RYR3: variants seen among roughly 807,000 people sequenced by gnomAD.
RYR3 encodes brain ryanodine receptor-calcium release channel.
In RYR3, 207 loss-of-function variants were observed where a neutral mutation model predicts 584.3. The ratio of observed to expected loss-of-function variants is 0.35; its 90% CI spans 0.32 to 0.40. The LOEUF (loss-of-function observed/expected upper bound fraction) is 0.40. Ranked by LOEUF, RYR3 falls within the 10% of genes least tolerant of loss-of-function variation. RYR3 has a pLI of 1.00. For synonymous variants in RYR3, 2,416 were observed against 2,248.5 expected (o/e 1.07, Z -2.11); for missense variants, 5,616 against 6,089.2 (o/e 0.92, Z 2.59).
chr15:33,663,873 A>G (rs1184066633), intron 36 of RYR3, 136 bp downstream of exon 36: 3 of 702,754 alleles, frequency 4.3e-6, no homozygotes, highest in Non-Finnish European at 7.1e-6. Context: ...CTGCAATACC[A>G]GGAGACAGGC....
chr15:33,504,748 CTCAGT>C (rs1405637983), intron 3 of RYR3, among the ~76,000 whole-genome samples: 6 of 152,188 alleles, frequency 3.9e-5, no homozygotes, highest in African/African-American at 1.4e-4. Context: ...CCACCAAGTA[CTCAGT>C]ATCCCAGCGA....
At chr15:33,469,551 T>C (rs1055685450) in intron 1 of RYR3, among the ~76,000 whole-genome samples, 5 of 151,878 alleles carry the variant, frequency 3.3e-5, no homozygotes, top group Non-Finnish European at 4.4e-5. Flanking sequence ...AGATACGAGA[T>C]AATGATGTGT....
chr15:33,484,855 G>A (rs937027190), intron 2 of RYR3, among the ~76,000 whole-genome samples: 4 of 152,130 alleles, frequency 2.6e-5, no homozygotes, highest in Admixed American at 6.5e-5. Context: ...GAAAATTTTG[G>A]TAGGCATCTG....
intron 16 of RYR3, among the ~76,000 whole-genome samples, chr15:33,587,892 A>G (rs1213025628): frequency 6.6e-6 from 1 of 152,162 alleles, no homozygotes; most frequent in Non-Finnish European, 1.5e-5. Flanking sequence ...CCATTGCAAC[A>G]CTTCATCTTT....
At chr15:33,496,007 G>A (rs17817212) in intron 2 of RYR3, among the ~76,000 whole-genome samples, 3,286 of 152,228 alleles carry the variant, frequency 0.022, 49 homozygotes, top group Non-Finnish European at 0.032. Context: ...TACACACACC[G>A]TCTCCACCTA....
At position 33,538,620 on chromosome 15, in the gene RYR3, G is replaced by A. The variant is rs149224833; in HGVS notation, c.434-730G>A. Among the ~76,000 whole-genome samples, 1,286 of 152,222 alleles carry A rather than the reference G, an allele frequency of 8.4e-3. 22 individuals carry two copies. The highest frequency in any genetic ancestry group is 0.029 in the African/African-American group (1,209 of 41,540). ...TGTTCAGGGCAGGGAAAGGCATCAG[G>A]GATTTGAATGTCCTTTTCAACCTTT... On this transcript the variant is annotated intron_variant, in intron 5 of 103. Transcript: ENST00000634891.
chr15:33,813,024 A>G (rs553254185), intron 73 of RYR3, 30 bp downstream of exon 73: 2 of 1,613,374 alleles, frequency 1.2e-6, no homozygotes, highest in East Asian at 4.5e-5. Context: ...AGGAATGGGG[A>G]AGCAGAAACA....
chr15:33,538,861 T>G (rs145793124), intron 5 of RYR3, among the ~76,000 whole-genome samples: 34 of 152,324 alleles, frequency 2.2e-4, no homozygotes, highest in Admixed American at 9.2e-4. Flanking sequence ...TCTTCTTTGC[T>G]ATCAATTTCT....
At chr15:33,826,200 G>T (rs2077370695) in intron 82 of RYR3, 52 bp from the exon 83 acceptor site, 1 of 1,565,202 alleles carries the variant, frequency 6.4e-7, no homozygotes, top group East Asian at 2.2e-5. Context: ...AGTTTATCAT[G>T]ATGTTTACAG....
At chr15:33,670,396 C>T (rs1343232119) in intron 37 of RYR3, 23 bp from the exon 38 acceptor site, 1 of 1,611,912 alleles carries the variant, frequency 6.2e-7, no homozygotes, top group Non-Finnish European at 8.5e-7. Context: ...TTTGGATTTT[C>T]ACCCTGTTCT....
chr15:33,717,587 G>C (rs1303313483), intron 43 of RYR3, among the ~76,000 whole-genome samples: 1 of 152,180 alleles, frequency 6.6e-6, no homozygotes, highest in East Asian at 1.9e-4. Context: ...ACTCTAAGTT[G>C]TGTAGGAGGA....
chr15:33,802,167 G>A (rs374271356), intron 69 of RYR3: 10 of 712,202 alleles, frequency 1.4e-5, no homozygotes, highest in African/African-American at 1.0e-4. Flanking sequence ...TGAATAAATA[G>A]CTGCTTGTAT....
chr15:33,806,765 T>C (rs1476569193), intron 69 of RYR3, among the ~76,000 whole-genome samples: 1 of 151,946 alleles, frequency 6.6e-6, no homozygotes, highest in Non-Finnish European at 1.5e-5. Context: ...TTCCTTTTTT[T>C]TTTTTTAAGA....
At chr15:33,741,582 G>A (rs989691699) in intron 51 of RYR3, among the ~76,000 whole-genome samples, 7 of 151,652 alleles carry the variant, frequency 4.6e-5, no homozygotes, top group African/African-American at 1.5e-4. Context: ...GGTGTCTACT[G>A]TACTGCCAAA....
chr15:33,845,458 T>A (rs901368157), intron 93 of RYR3, among the ~76,000 whole-genome samples: 1 of 152,202 alleles, frequency 6.6e-6, no homozygotes, highest in Non-Finnish European at 1.5e-5. Context: ...TTCACTATGT[T>A]GGCCAGGCTG....
Position 33,514,876 on chromosome 15 carries a change from C to T in RYR3, c.279+11138C>T, listed in dbSNP as rs1222087988. 3.3e-5 allele frequency among the ~76,000 whole-genome samples: 5 copies of T among 151,986 alleles called. No homozygotes were observed. In the South Asian group the frequency reaches 6.2e-4, roughly 19 times the overall value. ...AAAATTAGCCAGGCATGGTGGCGGG[C>T]GCCTGTAGTCCCAGCTACTTGGGAG... is the stretch of plus-strand genomic sequence containing the variant. On this transcript the variant is annotated intron_variant, in intron 3 of 103. Coordinates refer to ENST00000634891, the MANE Select transcript of RYR3 (RefSeq NM_001036.6).
chr15:33,772,031 C>T lies in RYR3; in HGVS notation c.8928C>T (p.Phe2976=), dbSNP rs201505340. Residue 2976 remains phenylalanine, a synonymous_variant, in exon 63 of 104, where the codon TTC becomes TTT. Coordinates refer to ENST00000634891, the MANE Select transcript of RYR3 (RefSeq NM_001036.6). ...KTSENLKLGK[F]THSRTQIKGV... is the part of the protein sequence containing the mutation. The stretch of plus-strand genomic sequence containing the variant: ...CAGAAAACCTGAAACTTGGGAAGTT[C>T]ACCCATTCCCGAACGCAGATTAAAG... 1.3e-5 allele frequency: 21 copies of T among 1,613,538 alleles called. No individual in the cohort carries two copies. In the East Asian group the frequency reaches 2.0e-4, roughly 15 times the overall value.
chr15:33,865,125 T>C lies in RYR3; in HGVS notation c.14518-6T>C, dbSNP rs1321730370. 1.2e-6 allele frequency: 2 copies of C among 1,609,262 alleles called. No homozygotes were observed. The highest frequency in any genetic ancestry group is 1.7e-6 in the Non-Finnish European group (2 of 1,176,470). ...AAATAAGCACCCGTTGTTCATATTA[T>C]TTCAGGAATCTTATGTCTGGAAGAT... On this transcript the variant is annotated splice_region_variant and splice_polypyrimidine_tract_variant and intron_variant, in intron 103 of 103. Coordinates refer to ENST00000634891, the MANE Select transcript of RYR3 (RefSeq NM_001036.6).
intron 102 of RYR3, among the ~76,000 whole-genome samples, chr15:33,862,315 A>ACATC (rs1888571622): frequency 6.6e-6 from 1 of 151,864 alleles, no homozygotes. Context: ...CAGGCTCAAG[A>ACATC]CATCCGCCTC....
Sources: allele counts gnomAD v4.1 joint callset (sites outside exome capture counted in the v4.1 genomes callset), GRCh38; gene constraint gnomAD v4.1.1; transcripts MANE v1.5; gene names NCBI Gene and HGNC (gene_info 2026-07-23, HGNC 2026-07-21).